CFTR: variants seen among roughly 807,000 people sequenced by gnomAD.
The protein encoded by CFTR is CF transmembrane conductance regulator.
In CFTR, 181 loss-of-function variants were observed where a neutral mutation model predicts 171.6. The observed-to-expected ratio is 1.05, with a 90% confidence interval of 0.93 to 1.19. CFTR has a LOEUF of 1.19. Ranked by LOEUF, CFTR falls within the 50% of genes most tolerant of loss-of-function variation. The pLI is 0.00. For synonymous variants in CFTR, 583 were observed against 608.0 expected (o/e 0.96, Z 0.60); for missense variants, 1,968 against 1,734.7 (o/e 1.13, Z -2.39).
chr7:117,628,169 C>CT (rs559770566), intron 22 of CFTR, among the ~76,000 whole-genome samples: 5 of 152,058 alleles, frequency 3.3e-5, no homozygotes, highest in African/African-American at 1.2e-4. Context: ...ACAAGTGATA[C>CT]TTTTTTTCTA....
chr7:117,487,040 A>G (rs1798086441), intron 1 of CFTR, among the ~76,000 whole-genome samples: 1 of 152,120 alleles, frequency 6.6e-6, no homozygotes, highest in African/African-American at 2.4e-5. Context: ...TAGAGGGGAC[A>G]GTGGTGCTGC....
chr7:117,604,063 T>A (rs925600551), intron 17 of CFTR, among the ~76,000 whole-genome samples: 4 of 152,186 alleles, frequency 2.6e-5, no homozygotes, highest in Non-Finnish European at 4.4e-5. Flanking sequence ...CAGTCATACC[T>A]CTCTTTTCAA....
At chr7:117,608,276 C>G (rs1026329861) in intron 18 of CFTR, among the ~76,000 whole-genome samples, 1 of 152,110 alleles carries the variant, frequency 6.6e-6, no homozygotes, top group Non-Finnish European at 1.5e-5. Flanking sequence ...GCAATCTTGG[C>G]TGACTGCAAC....
intron 6 of CFTR, 119 bp downstream of exon 6, chr7:117,535,530 T>C (rs2116677082): frequency 1.3e-6 from 1 of 783,872 alleles, no homozygotes; most frequent in African/African-American, 1.8e-5. Context: ...ATTAAATTTT[T>C]TTTTTTTTTT....
chr7:117,486,653 A>G (rs1047006692), intron 1 of CFTR, among the ~76,000 whole-genome samples: 1 of 151,978 alleles, frequency 6.6e-6, no homozygotes, highest in Non-Finnish European at 1.5e-5. Flanking sequence ...ACGGGAACAT[A>G]AAATATGTGA....
chr7:117,643,356 A>G (rs1255612758), intron 23 of CFTR, among the ~76,000 whole-genome samples: 9 of 152,126 alleles, frequency 5.9e-5, no homozygotes, highest in Non-Finnish European at 1.2e-4. Flanking sequence ...CACTGAATCC[A>G]TTCCACTACC....
rs1166409405 is a variant in CFTR, at chr7:117,666,986, A to G, written c.4321A>G (p.Ile1441Val). The change falls in exon 27 of 27, where the codon ATC becomes GTC. Residue 1441 changes from isoleucine (I) to valine (V), a missense_variant. Transcript: ENST00000003084. Reference protein sequence around the residue: ...LNERSLFRQAISPSDRVKLFP... With the variant: ...LNERSLFRQAVSPSDRVKLFP... ...CGAGAGGAGCCTCTTCCGGCAAGCC[A>G]TCAGCCCCTCCGACAGGGTGAAGCT... 1.9e-6 allele frequency: 3 copies of G among 1,614,038 alleles called. No homozygotes were observed. The highest frequency in any genetic ancestry group is 1.7e-5 in the Admixed American group (1 of 59,986).
intron 21 of CFTR, among the ~76,000 whole-genome samples, chr7:117,625,085 CA>C (rs1266627894): frequency 1.8e-4 from 27 of 152,168 alleles, no homozygotes; most frequent in Non-Finnish European, 3.5e-4. Context: ...AGTGTCTGCA[CA>C]AGCCACTTTT....
chr7:117,598,442 G>A (rs1421042587), intron 15 of CFTR, among the ~76,000 whole-genome samples: 1 of 152,012 alleles, frequency 6.6e-6, no homozygotes, highest in African/African-American at 2.4e-5. Flanking sequence ...CTTATTGTTG[G>A]GCTGTTGCTA....
At chr7:117,535,436 A>G in intron 6 of CFTR, 25 bp downstream of exon 6, 4 of 1,611,334 alleles carry the variant, frequency 2.5e-6, no homozygotes, top group Non-Finnish European at 3.4e-6. Flanking sequence ...TCATAACTTG[A>G]AAGTTTTAAA....
chr7:117,573,733 T>G (rs1584804536), intron 11 of CFTR, among the ~76,000 whole-genome samples: 1 of 152,158 alleles, frequency 6.6e-6, no homozygotes, highest in African/African-American at 2.4e-5. Context: ...GAAAGAAAGG[T>G]TTTTCAGGGC....
At chr7:117,603,911 A>G in intron 17 of CFTR, 129 bp downstream of exon 17, 2 of 906,920 alleles carry the variant, frequency 2.2e-6, no homozygotes, top group Non-Finnish European at 3.6e-6. Context: ...CCTCCATTTG[A>G]CTGGCATGCA....
intron 2 of CFTR, among the ~76,000 whole-genome samples, chr7:117,507,631 G>C (rs1217083201): frequency 2.0e-5 from 3 of 152,292 alleles, no homozygotes; most frequent in Non-Finnish European, 2.9e-5. Context: ...GAGAAAGGTG[G>C]AGAAGCATGT....
chr7:117,543,493 A>G (rs1449022268), intron 9 of CFTR, among the ~76,000 whole-genome samples: 2 of 152,178 alleles, frequency 1.3e-5, no homozygotes, highest in African/African-American at 4.8e-5. Context: ...TTGAGCCCTT[A>G]CTATGTGCCA....
chr7:117,569,089 A>G (rs1019718103), intron 11 of CFTR, among the ~76,000 whole-genome samples: 31 of 152,232 alleles, frequency 2.0e-4, no homozygotes, highest in Admixed American at 2.0e-3. Context: ...GGAAACAGAC[A>G]TCAGGTATTC....
intron 1 of CFTR, among the ~76,000 whole-genome samples, chr7:117,485,928 T>C (rs553921976): frequency 2.6e-5 from 4 of 152,284 alleles, no homozygotes; most frequent in African/African-American, 9.6e-5. Context: ...AATGAGTTCA[T>C]GGTGATCAAC....
rs1381460923 is a variant in CFTR, at chr7:117,595,057, A to T, written c.2618A>T (p.Glu873Val). The T allele has an allele frequency of 1.2e-6, 2 of 1,611,678 alleles. No individual in the cohort carries two copies. Among genetic ancestry groups the T allele is most frequent in the Admixed American group, 3.3e-5 (2 of 59,988 alleles). The stretch of plus-strand genomic sequence containing the variant: ...TGGTGCTTAGTAATTTTTCTGGCAG[A>T]GGTAAGAATGTTCTATTGTAAAGTA... The part of the protein sequence containing the change: ...LIWCLVIFLA[E>V]VAASLVVLWL... Residue 873 changes from glutamate (E) to valine (V), a missense_variant and splice_region_variant, in exon 15 of 27, where the codon GAG becomes GTG. Transcript: ENST00000003084.
chr7:117,511,150 C>A (rs543441088), intron 3 of CFTR, among the ~76,000 whole-genome samples: 4 of 152,238 alleles, frequency 2.6e-5, no homozygotes, highest in African/African-American at 9.6e-5. Flanking sequence ...TCTCAGGAGA[C>A]ACAGGCTACA....
chr7:117,642,537 T>C lies in CFTR; in HGVS notation c.3817T>C (p.Ser1273Pro). 1 of 1,613,612 alleles carries C rather than the reference T, an allele frequency of 6.2e-7. No individual in the cohort carries two copies. The highest frequency in any genetic ancestry group is 8.5e-7 in the Non-Finnish European group (1 of 1,179,732). ...AGGAGAAATCCAGATCGATGGTGTG[T>C]CTTGGGATTCAATAACTTTGCAACA... The part of the protein sequence containing the change: ...TEGEIQIDGV[S>P]WDSITLQQWR... The change falls in exon 23 of 27, where the codon TCT becomes CCT. Residue 1273 changes from serine (S) to proline (P), a missense_variant. Ser to Pro is a moderately conservative substitution (Grantham distance 74). Transcript: ENST00000003084.
Sources: gnomAD v4.1 joint callset for allele counts (sites outside exome capture counted in the v4.1 genomes callset) on GRCh38, gnomAD v4.1.1 for gene constraint, MANE v1.5 for transcripts, NCBI Gene and HGNC (gene_info 2026-07-23, HGNC 2026-07-21) for gene names.